The following RGS6 variants were observed in gnomAD, a reference collection of about 807,000 sequenced individuals.
RGS6 encodes regulator of G protein signaling 6.
RGS6 carries 30 observed loss-of-function variants against 78.5 expected under a neutral mutation model. That is an observed-to-expected ratio of 0.38 (90% CI 0.29 to 0.52). The LOEUF (loss-of-function observed/expected upper bound fraction) is 0.52. Among genes scored for constraint, RGS6 ranks in the 20% least tolerant of loss-of-function variants. RGS6 has a pLI of 0.85. For synonymous variants in RGS6, 206 were observed against 206.0 expected (o/e 1.00, Z 0.00); for missense variants, 495 against 609.7 (o/e 0.81, Z 1.98).
At chr14:71,924,907 T>C in the RGS6 span, among the ~76,000 whole-genome samples, 3 of 152,242 alleles carry the variant, frequency 2.0e-5, no homozygotes, top group Non-Finnish European at 4.4e-5. Context: ...CTCTTCAGCA[T>C]CATGGATTTT....
chr14:72,026,204 C>G (rs993447363), intron 2 of RGS6, among the ~76,000 whole-genome samples: 1 of 151,586 alleles, frequency 6.6e-6, no homozygotes, highest in Non-Finnish European at 1.5e-5. Flanking sequence ...GTCAGGAGTT[C>G]GAGACTAGCC....
intron 2 of RGS6, among the ~76,000 whole-genome samples, chr14:72,013,286 AAAAAAAAAC>A (rs1314100827): frequency 3.3e-5 from 5 of 150,328 alleles, no homozygotes; most frequent in Non-Finnish European, 7.4e-5. Context: ...AAAAAAAAAA[AAAAAAAAAC>A]AACAACAACC....
At chr14:72,410,141 C>T (rs968048274) in intron 3 of RGS6, among the ~76,000 whole-genome samples, 10 of 152,292 alleles carry the variant, frequency 6.6e-5, no homozygotes, top group East Asian at 1.9e-4. Flanking sequence ...ATCGCCACAC[C>T]AACTTCCACA....
intron 2 of RGS6, among the ~76,000 whole-genome samples, chr14:72,064,197 T>G (rs1596944202): frequency 6.7e-6 from 1 of 149,670 alleles, no homozygotes. Context: ...GAGGAGGGAG[T>G]GATTTTTGGG....
intron 3 of RGS6, among the ~76,000 whole-genome samples, chr14:72,442,257 C>G (rs181197692): frequency 1.3e-5 from 2 of 152,112 alleles, no homozygotes; most frequent in Admixed American, 1.3e-4. Flanking sequence ...GCTGTGAAAC[C>G]CCGTTTGACC....
chr14:72,210,863 C>T (rs1008347820), intron 2 of RGS6, among the ~76,000 whole-genome samples: 1 of 151,752 alleles, frequency 6.6e-6, no homozygotes, highest in African/African-American at 2.4e-5. Context: ...GAGACAGCTT[C>T]CAAATGGTAC....
In RGS6 at chr14:72,411,100, T is replaced by C. The variant is rs541271989; in HGVS notation, c.185-43428T>C. ...CTTTAAAGTAGTTTTTTTCCAATTC[T>C]GTGAAGAAAGTCATTGGTAGCTTGA... On this transcript the variant is annotated intron_variant, in intron 3 of 17. Coordinates refer to ENST00000553525, the MANE Select transcript of RGS6 (RefSeq NM_001204424.2). Among the ~76,000 whole-genome samples the C allele has an allele frequency of 2.4e-4, 36 of 152,342 alleles. No homozygotes were observed. The East Asian group carries it at 4.4e-3, about 19-fold the overall frequency.
At chr14:72,537,515 C>T (rs1567078965) in intron 16 of RGS6, 2 of 702,364 alleles carry the variant, frequency 2.8e-6, no homozygotes, top group Non-Finnish European at 5.2e-6. Context: ...TCCCTCCCCA[C>T]AGGTGTGGCT....
intron 2 of RGS6, among the ~76,000 whole-genome samples, chr14:72,008,950 C>T (rs1000431989): frequency 2.6e-5 from 4 of 152,210 alleles, no homozygotes; most frequent in Admixed American, 2.0e-4. Flanking sequence ...AAGAGTGGTT[C>T]ACTGTGCCTA....
intron 3 of RGS6, among the ~76,000 whole-genome samples, chr14:72,437,712 A>G (rs1338231460): frequency 2.6e-5 from 4 of 152,168 alleles, no homozygotes; most frequent in African/African-American, 4.8e-5. Flanking sequence ...AAGTTGATCA[A>G]TGTGAGAGGA....
At chr14:72,331,633 C>T (rs916885670) in intron 2 of RGS6, among the ~76,000 whole-genome samples, 6 of 152,166 alleles carry the variant, frequency 3.9e-5, no homozygotes, top group African/African-American at 1.4e-4. Flanking sequence ...CTCTCTCTCT[C>T]TCCATTCCAG....
At chr14:72,509,289 C>T (rs753004804) in intron 13 of RGS6, among the ~76,000 whole-genome samples, 7 of 151,326 alleles carry the variant, frequency 4.6e-5, no homozygotes, top group East Asian at 2.0e-4. Context: ...TGCTTGAACC[C>T]GGCGGGCAGA....
chr14:71,889,187 G>T, the RGS6 span, among the ~76,000 whole-genome samples: 2 of 152,096 alleles, frequency 1.3e-5, no homozygotes, highest in South Asian at 2.1e-4. Flanking sequence ...AGGCAGATTT[G>T]ATCTGGGCCT....
intron 2 of RGS6, among the ~76,000 whole-genome samples, chr14:72,152,243 AGAG>A (rs2096703662): frequency 2.4e-5 from 3 of 125,158 alleles, no homozygotes; most frequent in African/African-American, 8.2e-5. Flanking sequence ...AGAGAGAGAG[AGAG>A]TGTGTGTGTG....
chr14:72,352,054 T>C, intron 2 of RGS6, 41 bp from the exon 3 acceptor site: 1 of 1,447,684 alleles, frequency 6.9e-7, no homozygotes, highest in South Asian at 1.2e-5. Flanking sequence ...ATAATTACAT[T>C]ATGGGAGAAA....
chr14:72,300,570 T>C (rs1233299925), intron 2 of RGS6, among the ~76,000 whole-genome samples: 1 of 152,246 alleles, frequency 6.6e-6, no homozygotes, highest in Admixed American at 6.5e-5. Flanking sequence ...ATGGTCTAAC[T>C]TTAGTTGTTG....
the RGS6 span, among the ~76,000 whole-genome samples, chr14:71,901,862 T>C: frequency 6.6e-6 from 1 of 152,250 alleles, no homozygotes; most frequent in Non-Finnish European, 1.5e-5. Context: ...ATGCCAATGA[T>C]TGGTTTAGAA....
chr14:72,079,145 G>C (rs1453059216), intron 2 of RGS6, among the ~76,000 whole-genome samples: 1 of 151,390 alleles, frequency 6.6e-6, no homozygotes, highest in East Asian at 1.9e-4. Context: ...CTAACTGAGA[G>C]AGGATATTTA....
chr14:72,281,746 T>G (rs1409231716), intron 2 of RGS6, among the ~76,000 whole-genome samples: 1 of 152,152 alleles, frequency 6.6e-6, no homozygotes, highest in Non-Finnish European at 1.5e-5. Flanking sequence ...AAGGCAAGAA[T>G]GAGCTTGGTG....
Sources: gnomAD v4.1 joint callset for allele counts (sites outside exome capture counted in the v4.1 genomes callset) on GRCh38, gnomAD v4.1.1 for gene constraint, MANE v1.5 for transcripts, NCBI Gene and HGNC (gene_info 2026-07-23, HGNC 2026-07-21) for gene names.